Variants in CDHR2 observed in about 807,000 individuals in gnomAD.
CDHR2 encodes cadherin-related family member 2.
CDHR2 carries 104 observed loss-of-function variants against 138.6 expected under a neutral mutation model. The ratio of observed to expected loss-of-function variants is 0.75; its 90% CI spans 0.64 to 0.88. CDHR2 has a LOEUF of 0.88. CDHR2 is among the 40% of genes least tolerant of loss of function. CDHR2 has a pLI of 0.00. For missense variants in CDHR2, 1,624 were observed against 1,727.6 expected, an observed-to-expected ratio of 0.94 and a Z score of 1.06; for synonymous variants, 755 against 742.8, an observed-to-expected ratio of 1.02 and a Z score of -0.27.
In CDHR2 at chr5:176,575,999, C is replaced by T. The variant is rs781607329; in HGVS notation, c.1008C>T (p.Ser336=). The T allele has an allele frequency of 1.2e-6, 2 of 1,614,018 alleles. No homozygotes were observed. The highest frequency in any genetic ancestry group is 1.3e-5 in the African/African-American group (1 of 75,002). The change falls in exon 12 of 32, where the codon AGC becomes AGT. Residue 336 remains serine (S), a synonymous_variant. Coordinates refer to ENST00000261944, the MANE Select transcript of CDHR2 (RefSeq NM_017675.6). The part of the protein sequence containing the change: ...LNIYGQEAKV[S]IWVTVRVMDV... ...TCTACGGGCAGGAGGCCAAGGTGAG[C>T]ATCTGGGTGACAGTGAGAGTGATGG...
At chr5:176,588,454 A>AG (rs1474954064) in intron 21 of CDHR2, among the ~76,000 whole-genome samples, 2 of 121,150 alleles carry the variant, frequency 1.7e-5, no homozygotes, top group African/African-American at 6.5e-5. Flanking sequence ...TGAGTGTGAG[A>AG]GGGTGTGTGA....
Position 176,568,803 on chromosome 5 carries a change from G to C in CDHR2, c.250G>C (p.Ala84Pro), listed in dbSNP as rs373225847. 6.2e-7 allele frequency: 1 copy of C among 1,614,042 alleles called. No individual in the cohort carries two copies. Among genetic ancestry groups the C allele is most frequent in the African/African-American group, 1.3e-5 (1 of 74,954 alleles). The stretch of plus-strand genomic sequence containing the variant: ...AACTGGGGAAGTGAAGCTGGCCAGC[G>C]CTCTGGACTACGAGGTAAAGAGCAT... The part of the protein sequence containing the change: ...PKTGEVKLAS[A>P]LDYETLYTFK... The change falls in exon 4 of 32, where the codon GCT becomes CCT. Residue 84 changes from alanine (A) to proline (P), a missense_variant. Transcript: ENST00000261944.
chr5:176,587,019 A>G (rs1758687375), intron 21 of CDHR2, among the ~76,000 whole-genome samples, 177 bp downstream of exon 21: 1 of 152,266 alleles, frequency 6.6e-6, no homozygotes, highest in Admixed American at 6.5e-5. Context: ...ACTGTGATAA[A>G]TGTAGCATTC....
chr5:176,548,195 A>G (rs114646627), upstream of CDHR2, among the ~76,000 whole-genome samples: 2,358 of 152,348 alleles, frequency 0.015, 55 homozygotes, highest in African/African-American at 0.053. Context: ...TGGGACCGCT[A>G]TTATATGTGT....
intron 17 of CDHR2, 126 bp downstream of exon 17, chr5:176,581,708 T>C: frequency 7.8e-7 from 1 of 1,276,894 alleles, no homozygotes; most frequent in Non-Finnish European, 1.1e-6. Context: ...CTCACTCGTA[T>C]GGCCCCAGGC....
At chr5:176,573,994 T>G in intron 6 of CDHR2, 89 bp from the exon 7 acceptor site, 2 of 1,018,036 alleles carry the variant, frequency 2.0e-6, no homozygotes, top group Non-Finnish European at 3.0e-6. Context: ...AGTGCACAGC[T>G]GAGGACACTG....
intron 12 of CDHR2, among the ~76,000 whole-genome samples, chr5:176,577,013 G>A (rs893897586): frequency 1.3e-5 from 2 of 151,948 alleles, no homozygotes; most frequent in Non-Finnish European, 2.9e-5. Flanking sequence ...ACAGTGTCGG[G>A]TGGGGTTAGG....
intron 1 of CDHR2, among the ~76,000 whole-genome samples, chr5:176,557,051 G>A (rs1757848821): frequency 7.9e-6 from 1 of 126,262 alleles, no homozygotes; most frequent in Non-Finnish European, 1.6e-5. Context: ...TTCTTGCTCT[G>A]TTGCCCAAGG....
chr5:176,579,477 G>C (rs1055607645), intron 16 of CDHR2, among the ~76,000 whole-genome samples: 1 of 152,130 alleles, frequency 6.6e-6, no homozygotes, highest in Non-Finnish European at 1.5e-5. Context: ...CCTCCTTCCT[G>C]CTTGGCACTT....
intron 1 of CDHR2, among the ~76,000 whole-genome samples, chr5:176,552,605 T>G (rs1020232067): frequency 1.3e-5 from 2 of 152,074 alleles, no homozygotes; most frequent in African/African-American, 4.8e-5. Context: ...TTATTGCGCC[T>G]TCGCCAGCCC....
upstream of CDHR2, among the ~76,000 whole-genome samples, chr5:176,545,586 A>T (rs1300171978): frequency 6.6e-6 from 1 of 152,162 alleles, no homozygotes; most frequent in African/African-American, 2.4e-5. Context: ...GCATTACATC[A>T]TTACTCCTTA....
Position 176,580,118 on chromosome 5 carries a change from ACACT to A in CDHR2, c.1819-1221_1819-1218del, listed in dbSNP as rs371008608. On this transcript the variant is annotated intron_variant, in intron 16 of 31. Coordinates refer to ENST00000261944, the MANE Select transcript of CDHR2 (RefSeq NM_017675.6). ...CCTGGCAGGACAGGAACACACACAC[ACACT>A]CACGCACGCACTCACACACGCACTC... is the stretch of plus-strand genomic sequence containing the variant. 1.2e-3 allele frequency among the ~76,000 whole-genome samples: 157 copies of A among 134,114 alleles called. 2 individuals are homozygous for A. The highest frequency in any genetic ancestry group is 4.1e-3 in the African/African-American group (147 of 36,010). The allele number at this position is 134,114 out of a possible 152,430, so 88.0% of individuals were successfully genotyped here. A position where few individuals can be genotyped will look rare whatever the true frequency, so the allele number is the denominator to read the frequency against.
intron 31 of CDHR2, among the ~76,000 whole-genome samples, chr5:176,593,213 AAAC>A (rs1758932602): frequency 6.6e-6 from 1 of 152,158 alleles, no homozygotes; most frequent in Admixed American, 6.5e-5. Context: ...GGGTTCAAAT[AAAC>A]AACAGTACCG....
chr5:176,575,232 G>A (rs962476862), intron 8 of CDHR2, 23 bp downstream of exon 8: 15 of 1,613,958 alleles, frequency 9.3e-6, no homozygotes, highest in African/African-American at 5.3e-5. Flanking sequence ...GCCGGCAGGC[G>A]GGCCTAGGAC....
In CDHR2 at chr5:176,584,473, G is replaced by A. The variant is rs2113316148; in HGVS notation, c.2192G>A (p.Ser731Asn). The A allele has an allele frequency of 1.2e-6, 2 of 1,611,710 alleles. No individual in the cohort carries two copies. The highest frequency in any genetic ancestry group is 1.7e-6 in the Non-Finnish European group (2 of 1,178,590). The change falls in exon 19 of 32, where the codon AGC becomes AAC. Residue 731 changes from serine to asparagine, a missense_variant. By Grantham distance (46) the Ser-to-Asn change is conservative (BLOSUM62 1). Transcript: ENST00000261944. The part of the protein sequence containing the change: ...ADQTEANNRI[S>N]FSLSGSGANY... ...CAGACGGAAGCCAACAACCGCATCA[G>A]CTTCAGCCTGTCGGGGAGTGGTGCC...
At chr5:176,575,683 T>C (rs766781741) in intron 10 of CDHR2, 41 bp from the exon 11 acceptor site, 33 of 1,591,212 alleles carry the variant, frequency 2.1e-5, no homozygotes, top group Non-Finnish European at 2.8e-5. Context: ...TCAGAGCCAC[T>C]GGAGCAGCTG....
Position 176,578,625 on chromosome 5 carries a change from A to AC in CDHR2, c.1818+19dup, listed in dbSNP as rs769525352. On this transcript the variant is annotated intron_variant, in intron 16 of 31. Coordinates refer to ENST00000261944, the MANE Select transcript of CDHR2 (RefSeq NM_017675.6). ...ACCATCCAGGTGTGAGCCTGCCTGG[A>AC]CCTGGTGGGTAAGGCTGGGGGAGGG... 5.0e-6 allele frequency: 8 copies of AC among 1,606,060 alleles called. No homozygotes were observed. Among genetic ancestry groups the AC allele is most frequent in the East Asian group, 2.2e-5 (1 of 44,880 alleles).
chr5:176,569,183 T>C (rs1157100804), intron 5 of CDHR2, among the ~76,000 whole-genome samples, 173 bp downstream of exon 5: 1 of 152,140 alleles, frequency 6.6e-6, no homozygotes, highest in Admixed American at 6.5e-5. Context: ...GATTTTAGTA[T>C]TTTTAAAATT....
chr5:176,545,125 T>A (rs536237503), upstream of CDHR2, among the ~76,000 whole-genome samples: 2 of 152,054 alleles, frequency 1.3e-5, no homozygotes, highest in Non-Finnish European at 2.9e-5. Flanking sequence ...TCTTTTTTTG[T>A]GGGGGGTGGG....
Sources: allele counts gnomAD v4.1 joint callset (sites outside exome capture counted in the v4.1 genomes callset), GRCh38; gene constraint gnomAD v4.1.1; transcripts MANE v1.5; gene names NCBI Gene and HGNC (gene_info 2026-07-23, HGNC 2026-07-21).